Variants in USP47 observed in about 807,000 individuals in gnomAD.
USP47 encodes the protein ubiquitin carboxyl-terminal hydrolase 47.
Under a neutral mutation model 165.1 loss-of-function variants are expected in USP47, and 35 were observed. The ratio of observed to expected loss-of-function variants is 0.21; its 90% confidence interval spans 0.16 to 0.28. USP47 has a LOEUF of 0.28. Ranked by LOEUF, USP47 falls within the 10% of genes least tolerant of loss-of-function variation. USP47 has a pLI of 1.00. For missense variants in USP47, 1,277 were observed against 1,607.4 expected (o/e 0.79, Z 3.52); for synonymous variants, 531 against 544.5 (o/e 0.98, Z 0.35).
intron 1 of USP47, chr11:11,873,821 C>G: frequency 6.7e-7 from 1 of 1,488,428 alleles, no homozygotes; most frequent in Non-Finnish European, 8.9e-7. Flanking sequence ...GAGATGCAGA[C>G]AAAATATCTT....
At chr11:11,934,065 T>G in intron 16 of USP47, 130 bp downstream of exon 16, 3 of 655,054 alleles carry the variant, frequency 4.6e-6, no homozygotes, top group Admixed American at 3.1e-5. Context: ...AATTTATCTC[T>G]TACCGAGTAT....
chr11:11,880,567 T>C (rs1351404111), intron 2 of USP47, among the ~76,000 whole-genome samples, 187 bp downstream of exon 2: 2 of 152,162 alleles, frequency 1.3e-5, no homozygotes, highest in African/African-American at 2.4e-5. Context: ...GGATTTAACA[T>C]TTGCTCGTCC....
At chr11:11,873,309 T>A (rs1850192630) in intron 1 of USP47, among the ~76,000 whole-genome samples, 1 of 152,166 alleles carries the variant, frequency 6.6e-6, no homozygotes, top group Non-Finnish European at 1.5e-5. Flanking sequence ...TTATTTCCTT[T>A]TATATGTTTT....
chr11:11,934,041 C>A, intron 16 of USP47, 106 bp downstream of exon 16: 1 of 771,440 alleles, frequency 1.3e-6, no homozygotes, highest in Non-Finnish European at 2.1e-6. Context: ...TGGCAGTAAC[C>A]TTGGTAACTG....
intron 1 of USP47, among the ~76,000 whole-genome samples, chr11:11,850,476 GTTT>G (rs11291092): frequency 1.3e-4 from 17 of 132,908 alleles, no homozygotes; most frequent in African/African-American, 2.8e-4. Flanking sequence ...AATATTGGTA[GTTT>G]TTTTTTTTTT....
intron 1 of USP47, among the ~76,000 whole-genome samples, chr11:11,874,848 C>T (rs906258888): frequency 2.6e-5 from 4 of 152,088 alleles, no homozygotes; most frequent in South Asian, 4.1e-4. Context: ...TGTGAGCCAC[C>T]GTGCCTGGCA....
intron 8 of USP47, among the ~76,000 whole-genome samples, chr11:11,918,040 A>G (rs1853557442): frequency 1.3e-5 from 2 of 152,174 alleles, no homozygotes; most frequent in African/African-American, 4.8e-5. Context: ...GAGAGTAAAA[A>G]TAATAACTAT....
chr11:11,942,672 A>T lies in USP47; in HGVS notation c.2651A>T (p.Asp884Val), dbSNP rs1855558790. The T allele has an allele frequency of 1.2e-6, 2 of 1,613,470 alleles. No individual in the cohort carries two copies. The highest frequency in any genetic ancestry group is 2.2e-5 in the South Asian group (2 of 91,072). Residue 884 changes from aspartate to valine, a missense_variant, in exon 20 of 28, where the codon GAC becomes GTC. By Grantham distance (152) the Asp-to-Val change is radical. Around this residue, in one of 4 missense-constraint regions of USP47, gnomAD observed 909 missense variants for 1,068.1 expected, o/e 0.85. Transcript: ENST00000527733. ...AGCAGCAAAAGTACTGAGACAAGTGACTTTGAAAACATCGAATCACCTCTC... is the reference window on the plus strand; with the variant it reads ...AGCAGCAAAAGTACTGAGACAAGTGTCTTTGAAAACATCGAATCACCTCTC... Reference protein sequence around the residue: ...GDSSKSTETSDFENIESPLNE... With the variant: ...GDSSKSTETSVFENIESPLNE...
intron 1 of USP47, among the ~76,000 whole-genome samples, chr11:11,863,469 A>G (rs1849496067): frequency 6.6e-6 from 1 of 152,222 alleles, no homozygotes; most frequent in African/African-American, 2.4e-5. Flanking sequence ...ATATTTAAGA[A>G]CACAGCTTTC....
At chr11:11,875,073 G>GC (rs1850320563) in intron 1 of USP47, among the ~76,000 whole-genome samples, 1 of 86,686 alleles carries the variant, frequency 1.2e-5, no homozygotes, top group African/African-American at 4.2e-5. Context: ...GTGTGTGTGT[G>GC]TGTGTGTGTT....
chr11:11,916,279 C>G (rs934608424), intron 8 of USP47, among the ~76,000 whole-genome samples: 1 of 151,956 alleles, frequency 6.6e-6, no homozygotes, highest in Non-Finnish European at 1.5e-5. Flanking sequence ...GAGATCCTGT[C>G]TCAAATAAGT....
At chr11:11,919,005 A>G (rs1343737733) in intron 8 of USP47, among the ~76,000 whole-genome samples, 1 of 150,988 alleles carries the variant, frequency 6.6e-6, no homozygotes, top group Non-Finnish European at 1.5e-5. Flanking sequence ...TTGACCACCA[A>G]TAAAATGCAT....
intron 10 of USP47, among the ~76,000 whole-genome samples, chr11:11,922,515 A>G (rs1853907766): frequency 6.6e-6 from 1 of 151,998 alleles, no homozygotes; most frequent in Admixed American, 6.6e-5. Flanking sequence ...TTTTAAGGAC[A>G]TGATAGAAAT....
intron 1 of USP47, among the ~76,000 whole-genome samples, chr11:11,853,517 C>T (rs1590225627): frequency 6.6e-6 from 1 of 152,228 alleles, no homozygotes; most frequent in East Asian, 1.9e-4. Flanking sequence ...ATGTGTTTTC[C>T]TGAGCCTGGT....
chr11:11,873,789 A>C, intron 1 of USP47: 21 of 1,413,378 alleles, frequency 1.5e-5, no homozygotes, highest in Non-Finnish European at 1.8e-5. Context: ...TTTTGTTCTT[A>C]TATACCATAG....
intron 1 of USP47, among the ~76,000 whole-genome samples, chr11:11,846,493 G>T (rs755300543): frequency 1.1e-4 from 17 of 152,088 alleles, no homozygotes; most frequent in African/African-American, 3.9e-4. Flanking sequence ...AGGAAAAAGA[G>T]TAGAAATGTA....
At position 11,936,469 on chromosome 11, in the gene USP47, C is replaced by T. The variant is rs374519745; in HGVS notation, c.2036C>T (p.Thr679Met). The T allele has an allele frequency of 1.1e-4, 169 of 1,598,478 alleles. No homozygotes were observed. Among genetic ancestry groups the T allele is most frequent in the Admixed American group, 3.7e-4 (22 of 59,602 alleles). The part of the protein sequence containing the change: ...STYMFDLLLE[T>M]RKPDQVFQSY... ...TATATGTTTGATCTGCTGTTGGAGA[C>T]GAGAAAGCCTGATCAGGTTTTCCAA... is the stretch of plus-strand genomic sequence containing the variant. The change falls in exon 17 of 28, where the codon ACG becomes ATG. Residue 679 changes from threonine to methionine, a missense_variant. By Grantham distance (81) the Thr-to-Met change is moderately conservative. This residue lies in a region of USP47 where 909 missense variants were observed against 1,068.1 expected (regional missense o/e 0.85). Coordinates refer to ENST00000527733, the MANE Select transcript of USP47 (RefSeq NM_001282659.2).
intron 1 of USP47, among the ~76,000 whole-genome samples, chr11:11,853,861 T>C (rs2134153574): frequency 6.6e-6 from 1 of 152,204 alleles, no homozygotes; most frequent in South Asian, 2.1e-4. Context: ...GCCTGGTGGC[T>C]CACACCTGTA....
chr11:11,876,419 C>T (rs548917690), intron 1 of USP47, among the ~76,000 whole-genome samples: 13 of 152,234 alleles, frequency 8.5e-5, no homozygotes. Context: ...TGGATGTGCT[C>T]GAAGGTGTTT....
Sources: gnomAD v4.1 joint callset for allele counts (sites outside exome capture counted in the v4.1 genomes callset) on GRCh38, gnomAD v4.1.1 for gene constraint, gnomAD v4.1.1 regional missense constraint, MANE v1.5 for transcripts, NCBI Gene and HGNC (gene_info 2026-07-23, HGNC 2026-07-21) for gene names.